The following SMYD3 variants were observed in gnomAD, a reference collection of about 807,000 sequenced individuals.
SMYD3 encodes SET and MYND domain containing 3, also known as histone-lysine N-methyltransferase SMYD3.
In SMYD3, 36 loss-of-function variants were observed where a neutral mutation model predicts 57.7. That is an observed-to-expected ratio of 0.62 (90% CI 0.48 to 0.82). The LOEUF is 0.82. Ranked by LOEUF, SMYD3 falls within the 40% of genes least tolerant of loss-of-function variation. The pLI is 0.00. For synonymous variants in SMYD3, 211 were observed against 195.0 expected, an observed-to-expected ratio of 1.08 and a Z score of -0.68; for missense variants, 515 against 538.8, an observed-to-expected ratio of 0.96 and a Z score of 0.44.
chr1:245,851,540 T>G (rs1050242291), intron 10 of SMYD3, among the ~76,000 whole-genome samples: 1 of 152,180 alleles, frequency 6.6e-6, no homozygotes, highest in Non-Finnish European at 1.5e-5. Flanking sequence ...ACTTCTTGCA[T>G]ACAAATAAGA....
At chr1:246,078,521 C>T (rs899327161) in intron 5 of SMYD3, among the ~76,000 whole-genome samples, 2 of 152,162 alleles carry the variant, frequency 1.3e-5, no homozygotes, top group Non-Finnish European at 2.9e-5. Context: ...TCTCCTCCTG[C>T]GAGGATGTGA....
intron 5 of SMYD3, among the ~76,000 whole-genome samples, chr1:246,040,736 G>T (rs1341008646): frequency 3.3e-5 from 5 of 152,184 alleles, no homozygotes; most frequent in African/African-American, 1.2e-4. Context: ...AACTCCTGTA[G>T]TCATTGATTC....
At chr1:246,373,965 C>A (rs1205207595) in intron 1 of SMYD3, among the ~76,000 whole-genome samples, 3 of 152,142 alleles carry the variant, frequency 2.0e-5, no homozygotes, top group African/African-American at 4.8e-5. Context: ...AATATACTGA[C>A]CCCCTTCCAA....
chr1:245,953,427 T>C, intron 5 of SMYD3: 1 of 882,816 alleles, frequency 1.1e-6, no homozygotes, highest in African/African-American at 1.8e-5. Context: ...CAGTTTGTTT[T>C]GTTTTGTTTT....
chr1:245,926,732 G>GT (rs1333981671), intron 7 of SMYD3, among the ~76,000 whole-genome samples: 1 of 152,212 alleles, frequency 6.6e-6, no homozygotes, highest in African/African-American at 2.4e-5. Context: ...TACTTGGTTT[G>GT]TTTTTTAATT....
chr1:246,211,468 T>TA (rs968796357), intron 5 of SMYD3, among the ~76,000 whole-genome samples: 29 of 151,324 alleles, frequency 1.9e-4, no homozygotes, highest in East Asian at 7.7e-4. Flanking sequence ...AACAAAATGT[T>TA]AAAAAAAAAT....
intron 8 of SMYD3, among the ~76,000 whole-genome samples, chr1:245,893,215 T>G (rs770036933): frequency 3.5e-4 from 53 of 152,052 alleles, no homozygotes; most frequent in Non-Finnish European, 6.9e-4. Context: ...CAAAAACAAG[T>G]GCTGGTGAGG....
intron 1 of SMYD3, among the ~76,000 whole-genome samples, chr1:246,439,825 C>T (rs1558465852): frequency 6.6e-6 from 1 of 152,056 alleles, no homozygotes; most frequent in Non-Finnish European, 1.5e-5. Context: ...TGGCGTGCCC[C>T]TATAGTCCCA....
intron 5 of SMYD3, among the ~76,000 whole-genome samples, chr1:246,107,285 G>A (rs772244928): frequency 4.6e-4 from 68 of 149,396 alleles, no homozygotes; most frequent in Non-Finnish European, 8.9e-4. Context: ...AGATTCCATC[G>A]CAAAAAAAGA....
At chr1:246,168,674 A>T (rs559493592) in intron 5 of SMYD3, among the ~76,000 whole-genome samples, 1 of 152,320 alleles carries the variant, frequency 6.6e-6, no homozygotes, top group African/African-American at 2.4e-5. Flanking sequence ...ACCACAGTAT[A>T]TTGCTGAGAA....
chr1:246,439,945 G>A (rs1441819936), intron 1 of SMYD3, among the ~76,000 whole-genome samples: 1 of 151,920 alleles, frequency 6.6e-6, no homozygotes, highest in Admixed American at 6.6e-5. Context: ...GTGAGACCTT[G>A]TCTCAAAAAA....
intron 5 of SMYD3, among the ~76,000 whole-genome samples, chr1:246,306,987 A>G (rs2064990428): frequency 6.9e-6 from 1 of 145,808 alleles, no homozygotes; most frequent in African/African-American, 2.5e-5. Flanking sequence ...GTTTTTCTTA[A>G]GAATGAAAAA....
chr1:246,272,097 T>C (rs2064234781), intron 5 of SMYD3, among the ~76,000 whole-genome samples: 1 of 152,242 alleles, frequency 6.6e-6, no homozygotes. Context: ...TTTGTTTGTG[T>C]ATAAAAATGC....
intron 5 of SMYD3, 63 bp downstream of exon 5, chr1:246,327,138 A>G (rs564912926): frequency 1.2e-6 from 2 of 1,602,218 alleles, no homozygotes; most frequent in East Asian, 2.2e-5. Flanking sequence ...TTTGTAACTA[A>G]CAACAAAATA....
At chr1:246,236,714 G>GT in intron 5 of SMYD3, among the ~76,000 whole-genome samples, 1 of 152,182 alleles carries the variant, frequency 6.6e-6, no homozygotes, top group East Asian at 1.9e-4. Context: ...ATCTCCCTAT[G>GT]TTGCCCAGGC....
intron 1 of SMYD3, among the ~76,000 whole-genome samples, chr1:246,379,651 C>T (rs1394288673): frequency 6.6e-6 from 1 of 152,104 alleles, no homozygotes; most frequent in Non-Finnish European, 1.5e-5. Flanking sequence ...AATATGAATA[C>T]AATAACAATG....
At chr1:246,178,346 C>A (rs1177741911) in intron 5 of SMYD3, among the ~76,000 whole-genome samples, 1 of 151,724 alleles carries the variant, frequency 6.6e-6, no homozygotes, top group Non-Finnish European at 1.5e-5. Context: ...AGATTAAAGA[C>A]TGAACTTGAA....
At chr1:246,383,241 A>C (rs2148754978) in intron 1 of SMYD3, among the ~76,000 whole-genome samples, 1 of 152,374 alleles carries the variant, frequency 6.6e-6, no homozygotes, top group Admixed American at 6.5e-5. Flanking sequence ...CTGTTTACAC[A>C]GCAGGATCTA....
chr1:246,471,374 T>G, intron 1 of SMYD3, among the ~76,000 whole-genome samples: 1 of 152,058 alleles, frequency 6.6e-6, no homozygotes, highest in East Asian at 1.9e-4. Context: ...AATTCTGTTT[T>G]TTTGTAGAGA....
Sources: gnomAD v4.1 joint callset for allele counts (sites outside exome capture counted in the v4.1 genomes callset) on GRCh38, gnomAD v4.1.1 for gene constraint, MANE v1.5 for transcripts, NCBI Gene and HGNC (gene_info 2026-07-23, HGNC 2026-07-21) for gene names.